Variants in DOCK11 observed in about 807,000 individuals in gnomAD.
The protein encoded by DOCK11 is dedicator of cytokinesis protein 11.
Under a neutral mutation model 169.1 loss-of-function variants are expected in DOCK11, and 70 were observed. The observed-to-expected ratio is 0.41, with a 90% CI of 0.34 to 0.51. DOCK11 has a LOEUF of 0.51. Ranked by LOEUF, DOCK11 falls within the 20% of genes least tolerant of loss-of-function variation. The probability of loss-of-function intolerance (pLI) is 0.10; values close to 1 mark genes in which losing one functional copy is unlikely to be tolerated. For missense variants in DOCK11, 1,166 were observed against 1,538.8 expected, an observed-to-expected ratio of 0.76 and a Z score of 4.05; for synonymous variants, 529 against 541.3, an observed-to-expected ratio of 0.98 and a Z score of 0.32.
chrX:118,597,930 A>G, intron 21 of DOCK11, 100 bp from the exon 22 acceptor site: 1 of 584,806 alleles, frequency 1.7e-6, no homozygotes, highest in Non-Finnish European at 2.6e-6. Context: ...TATGAAATTA[A>G]TACATTCATT....
chrX:118,616,202 AT>A (rs1235643943), intron 30 of DOCK11: 1 of 954,993 alleles, frequency 1.0e-6, no homozygotes, highest in Non-Finnish European at 1.3e-6. Flanking sequence ...TATTAATTAG[AT>A]TTTTTTTCAT....
chrX:118,561,901 C>T (rs976558132), intron 7 of DOCK11, among the ~76,000 whole-genome samples: 1 of 110,249 alleles, frequency 9.1e-6, no homozygotes, highest in African/African-American at 3.3e-5. Context: ...TGCGGTGGCT[C>T]ATGTGTATAA....
chrX:118,541,161 A>G (rs2011982078), intron 1 of DOCK11, among the ~76,000 whole-genome samples: 1 of 111,817 alleles, frequency 8.9e-6, no homozygotes, highest in African/African-American at 3.3e-5. Context: ...TCAATGAAGG[A>G]AAAAAAATGA....
chrX:118,503,032 T>C (rs1159035668), intron 1 of DOCK11, among the ~76,000 whole-genome samples: 2 of 107,874 alleles, frequency 1.9e-5, no homozygotes, highest in Admixed American at 2.0e-4. Context: ...AGGAAATGAC[T>C]TAAAATACAG....
intron 23 of DOCK11, among the ~76,000 whole-genome samples, chrX:118,600,291 C>G (rs2014292997): frequency 9.1e-6 from 1 of 110,092 alleles, no homozygotes; most frequent in Non-Finnish European, 1.9e-5. Context: ...CCTGTAATCC[C>G]AGCTACTCAG....
Position 118,598,072 on chromosome X carries a change from T to C in DOCK11, c.2428T>C (p.Leu810=). ...DIKWVDGAKP[L]LKIKSHLEST... ...TAAATGGGTAGATGGTGCAAAGCCT[T>C]TGTTGAAGATTAAAAGCCACTTAGA... Residue 810 remains leucine (L), a synonymous_variant, in exon 22 of 53, where the codon TTG becomes CTG. Transcript: ENST00000276202. The C allele has an allele frequency of 8.3e-7, 1 of 1,198,348 alleles. No individual in the cohort carries two copies. Among genetic ancestry groups the C allele is most frequent in the Non-Finnish European group, 1.1e-6 (1 of 886,601 alleles).
intron 23 of DOCK11, among the ~76,000 whole-genome samples, chrX:118,602,197 A>G (rs1234693938): frequency 9.4e-6 from 1 of 106,036 alleles, no homozygotes; most frequent in African/African-American, 3.5e-5. Context: ...CTGGGGTGAG[A>G]CTATGACAAG....
intron 14 of DOCK11, among the ~76,000 whole-genome samples, chrX:118,583,356 C>T (rs1299829340): frequency 9.1e-6 from 1 of 110,269 alleles, no homozygotes; most frequent in Non-Finnish European, 1.9e-5. Flanking sequence ...TACAGCAAAC[C>T]ACCATGGCAC....
At chrX:118,658,225 TA>T (rs2016127255) in intron 44 of DOCK11, among the ~76,000 whole-genome samples, 1 of 112,447 alleles carries the variant, frequency 8.9e-6, no homozygotes, top group African/African-American at 3.2e-5. Context: ...CATTAGAGTA[TA>T]TTTTAAATCC....
intron 45 of DOCK11, among the ~76,000 whole-genome samples, chrX:118,665,726 C>T (rs1032553927): frequency 1.8e-5 from 2 of 111,750 alleles, no homozygotes; most frequent in African/African-American, 6.5e-5. Context: ...TCCTTAAACC[C>T]TAGCCAATTA....
chrX:118,517,909 T>G (rs1017344175), intron 1 of DOCK11, among the ~76,000 whole-genome samples: 2 of 111,924 alleles, frequency 1.8e-5, no homozygotes, highest in Non-Finnish European at 3.8e-5. Flanking sequence ...TTTATAATTT[T>G]GGGGAGGCCT....
intron 1 of DOCK11, among the ~76,000 whole-genome samples, chrX:118,529,804 G>C (rs768204736): frequency 9.0e-6 from 1 of 111,062 alleles, no homozygotes; most frequent in Non-Finnish European, 1.9e-5. Context: ...GTCTTGAGGT[G>C]GGGGGAGTAG....
chrX:118,673,218 A>T (rs1240719390), intron 46 of DOCK11, among the ~76,000 whole-genome samples: 1 of 112,179 alleles, frequency 8.9e-6, no homozygotes, highest in Non-Finnish European at 1.9e-5. Flanking sequence ...AAAGGAAATG[A>T]TGTTTTCTAC....
chrX:118,675,120 C>T (rs1037470428), intron 46 of DOCK11, among the ~76,000 whole-genome samples: 1 of 112,325 alleles, frequency 8.9e-6, no homozygotes, highest in Non-Finnish European at 1.9e-5. Context: ...CATTCTGTAG[C>T]TCGTCTTTCA....
chrX:118,646,278 A>G (rs2015668560), intron 40 of DOCK11, among the ~76,000 whole-genome samples: 1 of 110,933 alleles, frequency 9.0e-6, no homozygotes, highest in South Asian at 3.8e-4. Context: ...TCAACATACA[A>G]GTGGTAGTTG....
Position 118,533,377 on chromosome X carries a change from A to G in DOCK11, c.103-9348A>G, listed in dbSNP as rs1034009674. Reference sequence around the variant, plus strand: ...CCCAAAAAAGGTAGAGATAATTTCAATTAATGGATAGATTCAATGTGATGG... The same window carrying G: ...CCCAAAAAAGGTAGAGATAATTTCAGTTAATGGATAGATTCAATGTGATGG... On this transcript the variant is annotated intron_variant, in intron 1 of 52. Transcript: ENST00000276202. 5.3e-5 allele frequency among the ~76,000 whole-genome samples: 6 copies of G among 112,510 alleles called. No individual in the cohort carries two copies. In the East Asian group the frequency reaches 8.3e-4, roughly 16 times the overall value.
intron 1 of DOCK11, among the ~76,000 whole-genome samples, chrX:118,501,733 G>A (rs1188817379): frequency 9.0e-6 from 1 of 111,694 alleles, no homozygotes; most frequent in Non-Finnish European, 1.9e-5. Flanking sequence ...TGCATTTTTA[G>A]TATTAAAAAT....
chrX:118,593,183 A>G, intron 19 of DOCK11, 31 bp from the exon 20 acceptor site: 1 of 1,178,664 alleles, frequency 8.5e-7, no homozygotes, highest in Non-Finnish European at 1.1e-6. Context: ...GAGAAAACGA[A>G]GTTCCATGTG....
chrX:118,667,590 A>G (rs1006426732), intron 45 of DOCK11, among the ~76,000 whole-genome samples: 7 of 111,162 alleles, frequency 6.3e-5, no homozygotes, highest in Non-Finnish European at 1.3e-4. Flanking sequence ...CTTGATGCCA[A>G]TATCACACTT....
Sources: gnomAD v4.1 joint callset for allele counts (sites outside exome capture counted in the v4.1 genomes callset) on GRCh38, gnomAD v4.1.1 for gene constraint, MANE v1.5 for transcripts, NCBI Gene and HGNC (gene_info 2026-07-23, HGNC 2026-07-21) for gene names.